Variants in ZNF726 observed in about 807,000 individuals in gnomAD.
The protein encoded by ZNF726 is zinc finger protein 92 pseudogene 3.
A neutral mutation model predicts 11.6 loss-of-function variants in ZNF726; 15 were observed. The observed-to-expected ratio is 1.29, with a 90% CI of 0.86 to 1.99. The LOEUF is 1.99. ZNF726 is among the 30% of genes most tolerant of loss of function. The pLI, the probability that ZNF726 is intolerant of heterozygous loss-of-function variation, is 0.00. For synonymous variants in ZNF726, 295 were observed against 243.6 expected (o/e 1.21, Z -1.96); for missense variants, 890 against 725.6 (o/e 1.23, Z -2.60).
intron 3 of ZNF726, chr19:23,920,797 T>A (rs1373956208): frequency 6.6e-6 from 1 of 152,096 alleles, no homozygotes; most frequent in Non-Finnish European, 1.5e-5. Context: ...TCATCCTGTT[T>A]TTTTTCTTGC....
Position 23,933,492 on chromosome 19 carries a change from G to T in ZNF726, c.1376G>T (p.Ser459Ile), listed in dbSNP as rs766447925. 1.2e-6 allele frequency: 2 copies of T among 1,612,438 alleles called. No homozygotes were observed. Among genetic ancestry groups the T allele is most frequent in the Non-Finnish European group, 1.7e-6 (2 of 1,179,716 alleles). The part of the protein sequence containing the change: ...REKPYKCEEC[S>I]KAFSRSSALT... Reference sequence around the variant, plus strand: ...AAACCCTACAAATGTGAAGAATGTAGTAAAGCATTTAGCCGATCCTCAGCC... The same window carrying T: ...AAACCCTACAAATGTGAAGAATGTATTAAAGCATTTAGCCGATCCTCAGCC... The change falls in exon 4 of 4, where the codon AGT becomes ATT. Residue 459 changes from serine (S) to isoleucine (I), a missense_variant. By Grantham distance (142) the Ser-to-Ile change is moderately radical. Transcript: ENST00000594466.
In ZNF726 at chr19:23,933,702, G is replaced by C. The variant is rs768385848; in HGVS notation, c.1586G>C (p.Arg529Thr). 3.1e-6 allele frequency: 5 copies of C among 1,611,698 alleles called. No homozygotes were observed. Among genetic ancestry groups the C allele is most frequent in the Middle Eastern group, 1.7e-4 (1 of 6,050 alleles). Residue 529 changes from arginine (R) to threonine (T), a missense_variant, in exon 4 of 4, where the codon AGG becomes ACG. Coordinates refer to ENST00000594466, the MANE Select transcript of ZNF726 (RefSeq NM_001244038.2). Reference protein sequence around the residue: ...ILSSTLSKHKRIHTGEKPYKC... With the variant: ...ILSSTLSKHKTIHTGEKPYKC... ...TCCTCGACCCTATCTAAACATAAGA[G>C]GATTCACACTGGAGAGAAACCCTAC...
intron 3 of ZNF726, among the ~76,000 whole-genome samples, chr19:23,922,590 T>C (rs1199957131): frequency 1.3e-5 from 2 of 152,246 alleles, no homozygotes; most frequent in Non-Finnish European, 2.9e-5. Flanking sequence ...CTTTCTTGTC[T>C]GTAGCCAAAA....
intron 1 of ZNF726, among the ~76,000 whole-genome samples, chr19:23,916,259 C>T (rs1967695666): frequency 6.6e-6 from 1 of 152,096 alleles, no homozygotes; most frequent in Admixed American, 6.6e-5. Flanking sequence ...AGTTTCTCCT[C>T]TCTAATTGAC....
At chr19:23,915,334 T>C (rs937473594) in intron 1 of ZNF726, among the ~76,000 whole-genome samples, 1 of 152,124 alleles carries the variant, frequency 6.6e-6, no homozygotes, top group African/African-American at 2.4e-5. Flanking sequence ...TGCGGGCTCA[T>C]GAATGGGAAG....
rs759365254 is a variant in ZNF726 at position 23,933,075 on chromosome 19, A to G, written c.959A>G (p.Lys320Arg). 5.6e-6 allele frequency: 9 copies of G among 1,612,416 alleles called. No individual in the cohort carries two copies. Among genetic ancestry groups the G allele is most frequent in the Non-Finnish European group, 7.6e-6 (9 of 1,179,976 alleles). Residue 320 changes from lysine (K) to arginine (R), a missense_variant, in exon 4 of 4, where the codon AAA (lysine) becomes AGA (arginine). Transcript: ENST00000594466. ...CCCTACAAATGTGAAGAATGTGGCA[A>G]AGCATTTGTTTGGTCCTCAACCCTA... Reference protein sequence around the residue: ...EKPYKCEECGKAFVWSSTLTR... With the variant: ...EKPYKCEECGRAFVWSSTLTR...
chr19:23,922,405 G>A (rs1340371504), intron 3 of ZNF726, among the ~76,000 whole-genome samples: 2 of 152,210 alleles, frequency 1.3e-5, no homozygotes, highest in Admixed American at 6.5e-5. Context: ...AGGGACCACA[G>A]GAAAGGCCAA....
At chr19:23,919,557 TGTA>T in intron 2 of ZNF726, 58 bp downstream of exon 2, 2 of 1,505,536 alleles carry the variant, frequency 1.3e-6, no homozygotes, top group East Asian at 4.8e-5. Context: ...ATTTTTCTTT[TGTA>T]GTATGTTTTC....
intron 3 of ZNF726, among the ~76,000 whole-genome samples, chr19:23,941,358 A>G (rs1269192112): frequency 6.6e-6 from 1 of 152,028 alleles, no homozygotes; most frequent in Non-Finnish European, 1.5e-5. Flanking sequence ...TATCTTTTTG[A>G]CATGTTGTTG....
intron 3 of ZNF726, among the ~76,000 whole-genome samples, chr19:23,926,524 A>C (rs28420669): frequency 6.8e-6 from 1 of 146,292 alleles, no homozygotes; most frequent in Non-Finnish European, 1.5e-5. Flanking sequence ...ACTGCACTCC[A>C]CCTGGGCTGC....
chr19:23,920,227 G>T, intron 3 of ZNF726, 145 bp downstream of exon 3: 1 of 447,252 alleles, frequency 2.2e-6, no homozygotes, highest in South Asian at 2.1e-5. Flanking sequence ...TATACTCTCA[G>T]ATAGGGGCAT....
chr19:23,932,742 C>A lies in ZNF726; in HGVS notation c.626C>A (p.Thr209Asn), dbSNP rs766440705. The change falls in exon 4 of 4, where the codon ACC becomes AAC. Residue 209 changes from threonine (T) to asparagine (N), a missense_variant. Coordinates refer to ENST00000594466, the MANE Select transcript of ZNF726 (RefSeq NM_001244038.2). ...TACAAATGTAAAGAATGTGGAAAAA[C>A]CTTTAATTGGTCCTCAACCCTTACT... ...KSYKCKECGK[T>N]FNWSSTLTNH... 6.8e-6 allele frequency: 11 copies of A among 1,611,952 alleles called. No homozygotes were observed. In the African/African-American group the frequency reaches 1.2e-4, roughly 18 times the overall value.
intron 3 of ZNF726, among the ~76,000 whole-genome samples, chr19:23,942,493 G>A (rs189731649): frequency 2.6e-5 from 4 of 152,250 alleles, no homozygotes; most frequent in Non-Finnish European, 5.9e-5. Flanking sequence ...CCGGGGTATA[G>A]TTAAATCCAT....
At chr19:23,937,349 G>T (rs941903890), downstream of ZNF726, among the ~76,000 whole-genome samples, 2 of 151,810 alleles carry the variant, frequency 1.3e-5, no homozygotes, top group Non-Finnish European at 2.9e-5. Context: ...CTTCCCAGAT[G>T]GGGTGGCTGC....
At chr19:23,925,428 A>G (rs1446671123) in intron 3 of ZNF726, among the ~76,000 whole-genome samples, 1 of 152,016 alleles carries the variant, frequency 6.6e-6, no homozygotes, top group African/African-American at 2.4e-5. Context: ...TCCTGACGTC[A>G]GGATTCACCC....
chr19:23,939,987 C>T (rs62114240), intron 3 of ZNF726, among the ~76,000 whole-genome samples: 5,352 of 150,330 alleles, frequency 0.036, 201 homozygotes, highest in African/African-American at 0.092. Flanking sequence ...CTGTTTACTC[C>T]GCTGACTGTT....
At chr19:23,930,086 G>T (rs1268796754) in intron 3 of ZNF726, among the ~76,000 whole-genome samples, 1 of 152,170 alleles carries the variant, frequency 6.6e-6, no homozygotes. Context: ...GAGCCACGGT[G>T]CCTGGCCACC....
intron 3 of ZNF726, among the ~76,000 whole-genome samples, chr19:23,923,275 T>C (rs1252855807): frequency 6.6e-6 from 1 of 152,182 alleles, no homozygotes; most frequent in Non-Finnish European, 1.5e-5. Context: ...AAAAATAGCA[T>C]ATATTTAAAA....
At chr19:23,943,905 T>C (rs1968378047) in intron 4 of ZNF726, 2 of 186,850 alleles carry the variant, frequency 1.1e-5, no homozygotes, top group Non-Finnish European at 2.2e-5. Context: ...ATATCTCGAG[T>C]ATTTTTGAGG....
Sources: gnomAD v4.1 joint callset for allele counts (sites outside exome capture counted in the v4.1 genomes callset) on GRCh38, gnomAD v4.1.1 for gene constraint, MANE v1.5 for transcripts, NCBI Gene and HGNC (gene_info 2026-07-23, HGNC 2026-07-21) for gene names.